Variants in SPR observed in about 807,000 individuals in gnomAD.
The protein encoded by SPR is sepiapterin reductase, also known as Sepiapterin reductase (L-erythro-7,8-dihydrobiopterin forming).
In SPR, 12 loss-of-function variants were observed where a neutral mutation model predicts 16.0. The ratio of observed to expected loss-of-function variants is 0.75; its 90% CI spans 0.48 to 1.22. The LOEUF (loss-of-function observed/expected upper bound fraction) is 1.22, where lower values mean the gene tolerates loss of function less well. Among genes scored for constraint, SPR ranks in the 50% most tolerant of loss-of-function variants. The pLI is 0.00. For synonymous variants in SPR, 177 were observed against 168.5 expected (o/e 1.05, Z -0.39); for missense variants, 324 against 344.4 (o/e 0.94, Z 0.47).
At chr2:72,889,125 G>C (rs966763528) in intron 2 of SPR, among the ~76,000 whole-genome samples, 4 of 152,224 alleles carry the variant, frequency 2.6e-5, no homozygotes, top group African/African-American at 4.8e-5. Flanking sequence ...ACTACACTAA[G>C]GCAAGCTGCA....
chr2:72,887,625 C>T lies in SPR; in HGVS notation c.193C>T (p.Arg65Trp), dbSNP rs745594726. The change falls in exon 1 of 3, where the codon CGG becomes TGG. Residue 65 changes from arginine (R) to tryptophan (W), a missense_variant. Coordinates refer to ENST00000234454, the MANE Select transcript of SPR (RefSeq NM_003124.5). ...CGAGCGGTCTGGCCTGCGCGTGGTGCGGGTGCCCGCCGACCTGGGCGCCGA... is the reference window on the plus strand; with the variant it reads ...CGAGCGGTCTGGCCTGCGCGTGGTGTGGGTGCCCGCCGACCTGGGCGCCGA... ...GAERSGLRVVRVPADLGAEAG... is the reference protein window; with the variant it reads ...GAERSGLRVVWVPADLGAEAG... The T allele has an allele frequency of 3.4e-5, 48 of 1,430,662 alleles. No individual in the cohort carries two copies. Among genetic ancestry groups the T allele is most frequent in the Non-Finnish European group, 4.3e-5 (47 of 1,102,018 alleles). The allele number at this position is 1,430,662 out of a possible 1,614,324, so 88.6% of individuals were successfully genotyped here.
chr2:72,887,914 A>T (rs1394181445), intron 1 of SPR, among the ~76,000 whole-genome samples, 178 bp downstream of exon 1: 1 of 152,206 alleles, frequency 6.6e-6, no homozygotes, highest in East Asian at 1.9e-4. Context: ...TGCCGTCGGG[A>T]CAACAGTCTG....
At chr2:72,888,789 T>C (rs1193530069) in intron 2 of SPR, among the ~76,000 whole-genome samples, 185 bp downstream of exon 2, 1 of 152,178 alleles carries the variant, frequency 6.6e-6, no homozygotes, top group African/African-American at 2.4e-5. Flanking sequence ...GGGCCGGGGA[T>C]ACTGGTAGAG....
At chr2:72,890,863 A>T (rs1001493930) in intron 2 of SPR, among the ~76,000 whole-genome samples, 17 of 152,254 alleles carry the variant, frequency 1.1e-4, no homozygotes, top group African/African-American at 4.1e-4. Flanking sequence ...GTGATGTTTT[A>T]GTAGAATGAG....
chr2:72,889,761 A>AT (rs897514471), intron 2 of SPR, among the ~76,000 whole-genome samples: 39 of 152,254 alleles, frequency 2.6e-4, no homozygotes, highest in African/African-American at 8.4e-4. Context: ...GGGAGCTGAG[A>AT]TTTTCAGGAG....
In SPR at chr2:72,891,858, G is replaced by C. The variant is rs527829365; in HGVS notation, c.*321G>C. 493 of 401,868 alleles carry C rather than the reference G, an allele frequency of 1.2e-3. No individual in the cohort carries two copies. The highest frequency in any genetic ancestry group is 2.0e-3 in the Non-Finnish European group (419 of 213,384). The allele number at this position is 401,868 out of a possible 1,614,324, so 24.9% of individuals were successfully genotyped here. ...GAAGCTGGAACACAGAAGAGAGGAG[G>C]TTGTGTCTCTTGCTCATAGCAAGCC... On this transcript the variant is annotated 3_prime_UTR_variant, in exon 3 of 3. Coordinates refer to ENST00000234454, the MANE Select transcript of SPR (RefSeq NM_003124.5).
rs540698562 is a variant in SPR, at chr2:72,887,820, G to T, written c.304+84G>T. On this transcript the variant is annotated intron_variant, in intron 1 of 2. Transcript: ENST00000234454. ...GGGAATTTAAGGGCTACTCCTAGGG[G>T]TCAGATAGGACGCCTAGAAATCTAA... 8.2e-6 allele frequency: 11 copies of T among 1,336,754 alleles called. No homozygotes were observed. The South Asian group carries it at 1.8e-4, about 22-fold the overall frequency. 82.8% of individuals were successfully genotyped at this position (1,336,754 alleles called of 1,614,324 possible).
In SPR at chr2:72,887,440, G is replaced by A. The variant is rs1217743037; in HGVS notation, c.8G>A (p.Gly3Asp). The change falls in exon 1 of 3, where the codon GGC (glycine) becomes GAC (aspartate). Residue 3 changes from glycine to aspartate, a missense_variant. Transcript: ENST00000234454. ...CCGGCGGAGAACAGGAGCATGGAGG[G>A]CGGGCTGGGGCGTGCTGTGTGCTTG... is the stretch of plus-strand genomic sequence containing the variant. ME[G>D]GLGRAVCLLT... The A allele has an allele frequency of 6.7e-7, 1 of 1,495,706 alleles. No homozygotes were observed. The highest frequency in any genetic ancestry group is 1.3e-5 in the South Asian group (1 of 78,992). 92.7% of individuals were successfully genotyped at this position (1,495,706 alleles called of 1,614,324 possible). A position where few individuals can be genotyped will look rare whatever the true frequency, so the allele number is the denominator to read the frequency against.
At position 72,887,607 on chromosome 2, in the gene SPR, T is replaced by G. The variant is rs946446575; in HGVS notation, c.175T>G (p.Ser59Ala). ...GGAGGCCGAGCTGGGCGCCGAGCGG[T>G]CTGGCCTGCGCGTGGTGCGGGTGCC... is the stretch of plus-strand genomic sequence containing the variant. ...QLEAELGAER[S>A]GLRVVRVPAD... The change falls in exon 1 of 3, where the codon TCT (serine) becomes GCT (alanine). Residue 59 changes from serine (S) to alanine (A), a missense_variant. By Grantham distance (99) the Ser-to-Ala change is moderately conservative. Transcript: ENST00000234454. The G allele has an allele frequency of 7.0e-7, 1 of 1,423,012 alleles. No homozygotes were observed. Among genetic ancestry groups the G allele is most frequent in the Non-Finnish European group, 9.1e-7 (1 of 1,098,654 alleles). The allele number at this position is 1,423,012 out of a possible 1,614,324, so 88.1% of individuals were successfully genotyped here.
rs1318134902 is a variant in SPR, at chr2:72,891,812, G to A, written c.*275G>A. 2.0e-6 allele frequency: 1 copy of A among 500,326 alleles called. No homozygotes were observed. Among genetic ancestry groups the A allele is most frequent in the Non-Finnish European group, 3.6e-6 (1 of 275,236 alleles). 31.0% of individuals were successfully genotyped at this position (500,326 alleles called of 1,614,324 possible). On this transcript the variant is annotated 3_prime_UTR_variant, in exon 3 of 3. Transcript: ENST00000234454. ...CTCTATCCCCAGGAATAGAACTTAA[G>A]GGGTGGGAAGAACAGGAAAAGAAGC...
intron 1 of SPR, 30 bp downstream of exon 1, chr2:72,887,766 C>T (rs1325323960): frequency 3.3e-5 from 49 of 1,475,946 alleles, no homozygotes; most frequent in Non-Finnish European, 4.2e-5. Context: ...GCGGACTCCC[C>T]ATGTGAGCGC....
At chr2:72,889,449 G>A (rs904838262) in intron 2 of SPR, among the ~76,000 whole-genome samples, 1 of 152,180 alleles carries the variant, frequency 6.6e-6, no homozygotes, top group Non-Finnish European at 1.5e-5. Flanking sequence ...ATAGGGTCAG[G>A]CTCCCAGGGC....
chr2:72,892,076 C>G lies in SPR; in HGVS notation c.*539C>G, dbSNP rs1225194253. 1 of 166,232 alleles carries G rather than the reference C, an allele frequency of 6.0e-6. No homozygotes were observed. The highest frequency in any genetic ancestry group is 5.5e-5 in the Admixed American group (1 of 18,098). 10.3% of individuals were successfully genotyped at this position (166,232 alleles called of 1,614,324 possible). A position where few individuals can be genotyped will look rare whatever the true frequency, so the allele number is the denominator to read the frequency against. On this transcript the variant is annotated 3_prime_UTR_variant, in exon 3 of 3. Transcript: ENST00000234454. ...CTCCTTCCTTCAGAATCTACCACCC[C>G]TCCCCCAGGCTGGGAGAAGGGGCTC...
chr2:72,890,633 A>G (rs1029433199), intron 2 of SPR, among the ~76,000 whole-genome samples: 3 of 151,814 alleles, frequency 2.0e-5, no homozygotes, highest in Non-Finnish European at 4.4e-5. Context: ...GAGCCACTGC[A>G]CTTGGCCTAG....
chr2:72,891,781 T>C lies in SPR; in HGVS notation c.*244T>C. On this transcript the variant is annotated 3_prime_UTR_variant, in exon 3 of 3. Coordinates refer to ENST00000234454, the MANE Select transcript of SPR (RefSeq NM_003124.5). ...GGCTTAGGAGAGAGGTTATGGGTAT[T>C]GGTGTCTCTATCCCCAGGAATAGAA... The C allele has an allele frequency of 1.8e-6, 1 of 568,356 alleles. No individual in the cohort carries two copies. The highest frequency in any genetic ancestry group is 2.0e-5 in the South Asian group (1 of 49,188). The allele number at this position is 568,356 out of a possible 1,614,324, so 35.2% of individuals were successfully genotyped here.
chr2:72,891,599 G>A lies in SPR; in HGVS notation c.*62G>A, dbSNP rs1161081715. On this transcript the variant is annotated 3_prime_UTR_variant, in exon 3 of 3. Coordinates refer to ENST00000234454, the MANE Select transcript of SPR (RefSeq NM_003124.5). ...ACTTTTAGACATACCCCAGAGCCCT[G>A]TGGCTCCCCACACCCTGCCATAGGG... 8 of 1,585,630 alleles carry A rather than the reference G, an allele frequency of 5.0e-6. No individual in the cohort carries two copies. The African/African-American group carries it at 5.4e-5, about 11-fold the overall frequency.
At position 72,891,792 on chromosome 2, in the gene SPR, TC is replaced by T; in HGVS notation, c.*259del. On this transcript the variant is annotated 3_prime_UTR_variant, in exon 3 of 3. Coordinates refer to ENST00000234454, the MANE Select transcript of SPR (RefSeq NM_003124.5). Reference sequence around the variant, plus strand: ...GAGGTTATGGGTATTGGTGTCTCTATCCCCAGGAATAGAACTTAAGGGGTGG... The same window carrying T: ...GAGGTTATGGGTATTGGTGTCTCTATCCCAGGAATAGAACTTAAGGGGTGG... 1.8e-6 allele frequency: 1 copy of T among 541,806 alleles called. No homozygotes were observed. Among genetic ancestry groups the T allele is most frequent in the South Asian group, 2.1e-5 (1 of 47,036 alleles). 33.6% of individuals were successfully genotyped at this position (541,806 alleles called of 1,614,324 possible).
intron 1 of SPR, 140 bp downstream of exon 1, chr2:72,887,876 T>C (rs1239701389): frequency 1.1e-6 from 1 of 947,508 alleles, no homozygotes; most frequent in Non-Finnish European, 1.5e-6. Context: ...GAGTAGCAAG[T>C]GGAGGCGAGG....
At chr2:72,891,232 C>A in intron 2 of SPR, 115 bp from the exon 3 acceptor site, 1 of 1,065,720 alleles carries the variant, frequency 9.4e-7, no homozygotes, top group Non-Finnish European at 1.4e-6. Context: ...GCCAAGATGA[C>A]GTGTTTCCTC....
Sources: allele counts gnomAD v4.1 joint callset (sites outside exome capture counted in the v4.1 genomes callset), GRCh38; gene constraint gnomAD v4.1.1; transcripts MANE v1.5; gene names NCBI Gene and HGNC (gene_info 2026-07-23, HGNC 2026-07-21).